Variants in LPP observed in about 807,000 individuals in gnomAD.
LPP encodes the protein lipoma-preferred partner.
A neutral mutation model predicts 60.4 loss-of-function variants in LPP; 38 were observed. The ratio of observed to expected loss-of-function variants is 0.63; its 90% CI spans 0.49 to 0.83. The LOEUF (loss-of-function observed/expected upper bound fraction) is 0.83. LPP is among the 40% of genes least tolerant of loss of function. LPP has a pLI of 0.00. For synonymous variants in LPP, 328 were observed against 290.8 expected (o/e 1.13, Z -1.30); for missense variants, 902 against 783.6 (o/e 1.15, Z -1.80).
At chr3:188,314,370 C>A (rs886333686) in intron 2 of LPP, among the ~76,000 whole-genome samples, 8 of 151,608 alleles carry the variant, frequency 5.3e-5, no homozygotes, top group African/African-American at 7.3e-5. Context: ...TGAAAGTAAT[C>A]ATATATTCTA....
chr3:188,644,794 T>C (rs1408344651), intron 7 of LPP, among the ~76,000 whole-genome samples: 3 of 152,204 alleles, frequency 2.0e-5, no homozygotes, highest in African/African-American at 7.2e-5. Flanking sequence ...GGTGACCAGT[T>C]CTTCCAAACC....
chr3:188,275,544 G>T (rs1739338961), intron 2 of LPP, among the ~76,000 whole-genome samples: 1 of 152,144 alleles, frequency 6.6e-6, no homozygotes, highest in African/African-American at 2.4e-5. Flanking sequence ...ATTAAAGTGA[G>T]TTAAGAGAAG....
intron 4 of LPP, among the ~76,000 whole-genome samples, chr3:188,450,191 G>A (rs1000265298): frequency 2.6e-5 from 4 of 152,086 alleles, no homozygotes; most frequent in South Asian, 2.1e-4. Context: ...TTTGATTAGC[G>A]CTGAGACATT....
rs556571889 is a variant in LPP at position 188,182,017 on chromosome 3, C to G, written c.-190+27765C>G. On this transcript the variant is annotated intron_variant, in intron 1 of 11. Coordinates refer to ENST00000617246, the MANE Select transcript of LPP (RefSeq NM_001375462.1). This position sits in a 1 kb window ranked among gnomAD's most constrained non-coding sequence, Gnocchi z 4.4. ...TGCTGGGATGCCCACAGCACTTTGG[C>G]CAGATCTCTGATATAGAATTTAAGG... Among the ~76,000 whole-genome samples, 5 of 152,306 alleles carry G rather than the reference C, an allele frequency of 3.3e-5. No individual in the cohort carries two copies. Among genetic ancestry groups the G allele is most frequent in the African/African-American group, 7.2e-5 (3 of 41,556 alleles).
At chr3:188,436,619 G>C (rs1792362936) in intron 4 of LPP, among the ~76,000 whole-genome samples, 1 of 152,180 alleles carries the variant, frequency 6.6e-6, no homozygotes, top group Non-Finnish European at 1.5e-5. Context: ...AAGCAAAAAT[G>C]TAAGGCCTGG....
chr3:188,415,467 C>T (rs926506146), intron 4 of LPP, among the ~76,000 whole-genome samples: 4 of 150,964 alleles, frequency 2.6e-5, no homozygotes, highest in South Asian at 2.1e-4. Context: ...GTTATGTTCA[C>T]GAAAAAACCT....
chr3:188,167,855 T>G (rs1023029837), intron 1 of LPP, among the ~76,000 whole-genome samples: 1 of 152,370 alleles, frequency 6.6e-6, no homozygotes, highest in Middle Eastern at 3.4e-3. Flanking sequence ...CTTGTTTCTC[T>G]GTGCACTTAC....
chr3:188,243,362 G>A (rs1577504923), intron 2 of LPP, among the ~76,000 whole-genome samples: 1 of 152,194 alleles, frequency 6.6e-6, no homozygotes, highest in Middle Eastern at 3.4e-3. Flanking sequence ...CAAGAAATTG[G>A]CAATTCTTTT....
intron 2 of LPP, among the ~76,000 whole-genome samples, chr3:188,309,140 C>T (rs975128426): frequency 4.0e-5 from 6 of 151,468 alleles, no homozygotes; most frequent in African/African-American, 1.2e-4. Flanking sequence ...CCTGCCTTAG[C>T]CTCCTCAGTA....
chr3:188,297,364 G>C (rs957717897), intron 2 of LPP, among the ~76,000 whole-genome samples: 1 of 152,136 alleles, frequency 6.6e-6, no homozygotes, highest in African/African-American at 2.4e-5. Flanking sequence ...GAATGTCGTA[G>C]GGTAAAAAAT....
At chr3:188,276,357 G>C (rs1203487164) in intron 2 of LPP, among the ~76,000 whole-genome samples, 1 of 152,222 alleles carries the variant, frequency 6.6e-6, no homozygotes, top group Non-Finnish European at 1.5e-5. Context: ...TTCTTAGCTA[G>C]TTCCTTGATT....
intron 2 of LPP, among the ~76,000 whole-genome samples, chr3:188,259,697 A>T (rs1317272973): frequency 6.6e-6 from 1 of 152,178 alleles, no homozygotes; most frequent in Non-Finnish European, 1.5e-5. Context: ...CCCCCAGTGT[A>T]TGTGTTACTT....
intron 5 of LPP, among the ~76,000 whole-genome samples, chr3:188,513,515 A>T (rs1474665139): frequency 6.6e-6 from 1 of 152,112 alleles, no homozygotes; most frequent in African/African-American, 2.4e-5. Context: ...TATTGTGATT[A>T]TTCTTAGAGT....
chr3:188,225,801 G>C (rs1196397731), intron 2 of LPP, among the ~76,000 whole-genome samples: 1 of 152,168 alleles, frequency 6.6e-6, no homozygotes, highest in African/African-American at 2.4e-5. Flanking sequence ...GGAAAATTTG[G>C]AGTAACGATG....
intron 9 of LPP, 63 bp from the exon 10 acceptor site, chr3:188,866,137 C>G (rs1443362164): frequency 9.3e-6 from 12 of 1,284,260 alleles, no homozygotes; most frequent in Non-Finnish European, 1.1e-5. Context: ...TGTAAAGATG[C>G]CTGTCATGCA....
At chr3:188,553,534 T>A (rs183169892) in intron 6 of LPP, among the ~76,000 whole-genome samples, 26 of 152,220 alleles carry the variant, frequency 1.7e-4, no homozygotes, top group Admixed American at 1.4e-3. Flanking sequence ...TTCTTTGAGA[T>A]CCCCACAAAA....
At chr3:188,260,436 CTG>C (rs1733176152) in intron 2 of LPP, among the ~76,000 whole-genome samples, 1 of 151,966 alleles carries the variant, frequency 6.6e-6, no homozygotes, top group Non-Finnish European at 1.5e-5. Context: ...GAATTTGCCT[CTG>C]TTTTTTTAAT....
intron 7 of LPP, among the ~76,000 whole-genome samples, chr3:188,672,013 A>G (rs549737033): frequency 6.6e-6 from 1 of 152,344 alleles, no homozygotes; most frequent in East Asian, 1.9e-4. Context: ...TATAGCAATC[A>G]TTGTTTAAAT....
At chr3:188,616,486 TA>T (rs1844874317) in intron 7 of LPP, among the ~76,000 whole-genome samples, 1 of 152,228 alleles carries the variant, frequency 6.6e-6, no homozygotes, top group African/African-American at 2.4e-5. Context: ...TTGGTTACTG[TA>T]GCCTTGTAGT....
Sources: gnomAD v4.1 joint callset for allele counts (sites outside exome capture counted in the v4.1 genomes callset) on GRCh38, gnomAD v4.1.1 for gene constraint, Gnocchi (gnomAD v3.1) non-coding constraint, MANE v1.5 for transcripts, NCBI Gene and HGNC (gene_info 2026-07-23, HGNC 2026-07-21) for gene names.